NHSL2: variants seen among roughly 807,000 people sequenced by gnomAD.
NHSL2 encodes the protein NHS-like protein 2.
NHSL2 carries 27 observed loss-of-function variants against 53.4 expected under a neutral mutation model. That is an observed-to-expected ratio of 0.51 (90% CI 0.37 to 0.70). The LOEUF is 0.70. Among genes scored for constraint, NHSL2 ranks in the 30% least tolerant of loss-of-function variants. The pLI, the probability that NHSL2 is intolerant of heterozygous loss-of-function variation, is 0.00. For missense variants in NHSL2, 892 were observed against 980.1 expected, an observed-to-expected ratio of 0.91 and a Z score of 1.20; for synonymous variants, 408 against 404.1, an observed-to-expected ratio of 1.01 and a Z score of -0.12.
intron 1 of NHSL2, among the ~76,000 whole-genome samples, chrX:71,916,469 G>A (rs1256966448): frequency 1.8e-5 from 2 of 111,504 alleles, no homozygotes; most frequent in African/African-American, 6.5e-5. Flanking sequence ...GCACAACTGC[G>A]TCTGGACCCT....
chrX:72,143,471 G>A lies in NHSL2; in HGVS notation c.3575G>A (p.Arg1192His), dbSNP rs1411756731. Reference sequence around the variant, plus strand: ...GGAAGTAAGGCAACTCCAAGGTCTCGTCCCTCAGCAGCTGAACTTCTGAAG... The same window carrying A: ...GGAAGTAAGGCAACTCCAAGGTCTCATCCCTCAGCAGCTGAACTTCTGAAG... ...KKGSKATPRS[R>H]PSAAELLKTT... Residue 1192 changes from arginine to histidine, a missense_variant, in exon 8 of 8, where the codon CGT becomes CAT. Coordinates refer to ENST00000633930, the MANE Select transcript of NHSL2 (RefSeq NM_001013627.3). 7 of 1,164,236 alleles carry A rather than the reference G, an allele frequency of 6.0e-6. No individual in the cohort carries two copies. The highest frequency in any genetic ancestry group is 8.0e-6 in the Non-Finnish European group (7 of 871,232).
chrX:72,130,404 C>A lies in NHSL2; in HGVS notation c.281-1675C>A, dbSNP rs763629425. On this transcript the variant is annotated intron_variant, in intron 1 of 7. Coordinates refer to ENST00000633930, the MANE Select transcript of NHSL2 (RefSeq NM_001013627.3). ...TCATTTCTTCCTCCTTCTTCATCTC[C>A]TCCTCCTCCTTCTCCTTCATCTCTT... is the stretch of plus-strand genomic sequence containing the variant. 78 of 1,187,923 alleles carry A rather than the reference C, an allele frequency of 6.6e-5. 1 individual carries two copies. The South Asian group carries it at 1.2e-3, about 19-fold the overall frequency.
intron 1 of NHSL2, among the ~76,000 whole-genome samples, chrX:71,984,703 A>G (rs2041995261): frequency 8.9e-6 from 1 of 112,649 alleles, no homozygotes; most frequent in South Asian, 3.6e-4. Flanking sequence ...CTAAAGGTAA[A>G]TCATGGTAAG....
chrX:71,916,956 T>C (rs961362559), intron 1 of NHSL2, among the ~76,000 whole-genome samples: 7 of 111,740 alleles, frequency 6.3e-5, no homozygotes, highest in African/African-American at 2.3e-4. Flanking sequence ...CTACTGTCAG[T>C]TGGGAATCGC....
intron 1 of NHSL2, among the ~76,000 whole-genome samples, chrX:72,060,964 G>A (rs893840697): frequency 9.8e-5 from 11 of 112,747 alleles, no homozygotes; most frequent in Non-Finnish European, 1.9e-4. Context: ...CTTGGCCTGC[G>A]CCCTTGGGTT....
intron 1 of NHSL2, among the ~76,000 whole-genome samples, chrX:71,992,098 T>C (rs1445480640): frequency 1.8e-5 from 2 of 112,201 alleles, no homozygotes; most frequent in Non-Finnish European, 3.8e-5. Context: ...TCCCACACAT[T>C]TGGGCAGCAT....
At chrX:71,924,922 A>AC (rs890518165) in intron 1 of NHSL2, among the ~76,000 whole-genome samples, 10 of 111,080 alleles carry the variant, frequency 9.0e-5, no homozygotes, top group Non-Finnish European at 1.7e-4. Flanking sequence ...ACAAAAAATC[A>AC]CCCCCCCTCC....
At position 72,149,119 on chromosome X, in the gene NHSL2, A is replaced by G. The variant is rs191962696; in HGVS notation, c.*5545A>G. The stretch of plus-strand genomic sequence containing the variant: ...ATATGCTCGAAAAAAATTAAAAAGA[A>G]CTTATCATATTGGATCAACAAATTG... On this transcript the variant is annotated 3_prime_UTR_variant, in exon 8 of 8. Transcript: ENST00000633930. 1.7e-3 allele frequency: 183 copies of G among 110,463 alleles called. No individual in the cohort carries two copies. Among genetic ancestry groups the G allele is most frequent in the African/African-American group, 5.8e-3 (176 of 30,269 alleles). 9.1% of individuals were successfully genotyped at this position (110,463 alleles called of 1,213,427 possible).
chrX:72,047,606 C>T (rs952565876), intron 1 of NHSL2, among the ~76,000 whole-genome samples: 2 of 111,937 alleles, frequency 1.8e-5, no homozygotes, highest in Non-Finnish European at 3.8e-5. Flanking sequence ...ATAGTTGTCT[C>T]CCTAAATTGG....
intron 1 of NHSL2, among the ~76,000 whole-genome samples, chrX:72,124,639 G>A (rs1404590582): frequency 4.5e-5 from 5 of 111,430 alleles, no homozygotes; most frequent in Admixed American, 2.8e-4. Context: ...GGTGCAGGTG[G>A]GGAGTAGAGG....
intron 1 of NHSL2, among the ~76,000 whole-genome samples, chrX:72,093,467 C>T (rs1356843938): frequency 8.9e-6 from 1 of 112,362 alleles, no homozygotes. Flanking sequence ...TTCCTGAATA[C>T]CTGGCCTTGT....
chrX:72,086,419 T>C (rs1026956247), intron 1 of NHSL2, among the ~76,000 whole-genome samples: 5 of 111,958 alleles, frequency 4.5e-5, no homozygotes, highest in African/African-American at 1.6e-4. Flanking sequence ...CTTGGTGGCT[T>C]ACGCCTATAA....
At chrX:72,046,662 G>A (rs1054233480) in intron 1 of NHSL2, among the ~76,000 whole-genome samples, 4 of 110,688 alleles carry the variant, frequency 3.6e-5, no homozygotes, top group Non-Finnish European at 7.6e-5. Flanking sequence ...CCTAGACTGA[G>A]GATTATGCTC....
intron 1 of NHSL2, among the ~76,000 whole-genome samples, chrX:72,124,973 G>A (rs1010027337): frequency 8.9e-6 from 1 of 111,905 alleles, no homozygotes; most frequent in Non-Finnish European, 1.9e-5. Flanking sequence ...CTTCCACAGG[G>A]CAGCCAGGGC....
At chrX:71,913,478 A>T (rs2041613988) in intron 1 of NHSL2, among the ~76,000 whole-genome samples, 2 of 112,357 alleles carry the variant, frequency 1.8e-5, no homozygotes, top group Non-Finnish European at 3.8e-5. Flanking sequence ...GTAAGTAAAT[A>T]AATGAACATT....
At chrX:72,048,987 G>GAGGAGAAGAAGAAGA (rs1482632182) in intron 1 of NHSL2, among the ~76,000 whole-genome samples, 44 of 35,533 alleles carry the variant, frequency 1.2e-3, no homozygotes, top group Non-Finnish European at 2.5e-3. Flanking sequence ...GAAGAAGGAG[G>GAGGAGAAGAAGAAGA]AGAAGAAGAA....
chrX:71,977,873 ACTCT>A (rs752039794), intron 1 of NHSL2, among the ~76,000 whole-genome samples: 7 of 111,189 alleles, frequency 6.3e-5, no homozygotes, highest in Non-Finnish European at 1.1e-4. Flanking sequence ...AGGTGACCAT[ACTCT>A]TTTATCCCAC....
intron 1 of NHSL2, among the ~76,000 whole-genome samples, chrX:72,107,288 T>A (rs779390288): frequency 6.3e-5 from 7 of 110,548 alleles, no homozygotes; most frequent in Non-Finnish European, 1.1e-4. Flanking sequence ...AATAAATAAA[T>A]AAATAAATAA....
intron 1 of NHSL2, among the ~76,000 whole-genome samples, chrX:71,918,137 C>T (rs1415305770): frequency 4.5e-5 from 5 of 111,306 alleles, no homozygotes; most frequent in Non-Finnish European, 9.4e-5. Flanking sequence ...AGGAGGGGCT[C>T]CGAGCCACAG....
Sources: gnomAD v4.1 joint callset for allele counts (sites outside exome capture counted in the v4.1 genomes callset) on GRCh38, gnomAD v4.1.1 for gene constraint, MANE v1.5 for transcripts, NCBI Gene and HGNC (gene_info 2026-07-23, HGNC 2026-07-21) for gene names.